ARHGAP24: variants seen among roughly 807,000 people sequenced by gnomAD.
ARHGAP24 encodes the protein rho GTPase-activating protein 24.
Under a neutral mutation model 76.4 loss-of-function variants are expected in ARHGAP24, and 50 were observed. The ratio of observed to expected loss-of-function variants is 0.65; its 90% confidence interval spans 0.52 to 0.83. The LOEUF (loss-of-function observed/expected upper bound fraction) is 0.83. ARHGAP24 is among the 40% of genes least tolerant of loss of function. The pLI, the probability that ARHGAP24 is intolerant of heterozygous loss-of-function variation, is 0.00. For missense variants in ARHGAP24, 930 were observed against 914.2 expected, an observed-to-expected ratio of 1.02 and a Z score of -0.22; for synonymous variants, 345 against 323.3, an observed-to-expected ratio of 1.07 and a Z score of -0.72.
chr4:85,917,056 TC>T (rs1486597761), intron 3 of ARHGAP24, among the ~76,000 whole-genome samples: 1 of 151,958 alleles, frequency 6.6e-6, no homozygotes, highest in Admixed American at 6.6e-5. Context: ...ATGCTATCCT[TC>T]CCCCCTCCCT....
intron 3 of ARHGAP24, among the ~76,000 whole-genome samples, chr4:85,889,226 G>T (rs533694073): frequency 6.6e-6 from 1 of 152,290 alleles, no homozygotes; most frequent in South Asian, 2.1e-4. Flanking sequence ...TGGACATGGG[G>T]TAAGTATAAC....
At chr4:85,950,621 A>AT (rs973096306) in intron 5 of ARHGAP24, among the ~76,000 whole-genome samples, 3 of 149,988 alleles carry the variant, frequency 2.0e-5, no homozygotes, top group East Asian at 3.9e-4. Context: ...GATTATAATA[A>AT]TTTTTTTTCT....
intron 8 of ARHGAP24, among the ~76,000 whole-genome samples, chr4:85,982,172 C>T (rs1739704306): frequency 6.6e-6 from 1 of 151,668 alleles, no homozygotes. Flanking sequence ...CCATCATCTT[C>T]CTAGAAGTCA....
intron 4 of ARHGAP24, among the ~76,000 whole-genome samples, chr4:85,941,780 A>G (rs970114397): frequency 1.3e-4 from 20 of 152,208 alleles, no homozygotes; most frequent in Admixed American, 6.5e-5. Context: ...CTCAAGTTAC[A>G]TTTATTACAG....
chr4:85,702,939 T>C (rs1724152245), intron 2 of ARHGAP24, among the ~76,000 whole-genome samples: 1 of 149,438 alleles, frequency 6.7e-6, no homozygotes, highest in Non-Finnish European at 1.5e-5. Flanking sequence ...TGGCCAGCTG[T>C]GATGGACAGA....
chr4:85,968,208 T>C (rs1738747754), intron 5 of ARHGAP24, among the ~76,000 whole-genome samples: 1 of 152,162 alleles, frequency 6.6e-6, no homozygotes, highest in Non-Finnish European at 1.5e-5. Context: ...AAAGAATTTT[T>C]GTCTGTGCAG....
intron 2 of ARHGAP24, among the ~76,000 whole-genome samples, chr4:85,666,245 T>C (rs1241536146): frequency 5.3e-5 from 8 of 152,322 alleles, no homozygotes; most frequent in African/African-American, 9.6e-5. Context: ...AAACTTCCCT[T>C]CTCGCTTCAT....
chr4:85,906,606 A>G (rs1734781749), intron 3 of ARHGAP24, among the ~76,000 whole-genome samples: 1 of 152,202 alleles, frequency 6.6e-6, no homozygotes, highest in Admixed American at 6.5e-5. Context: ...ATAAACTAAG[A>G]GCAAAAGATG....
chr4:85,987,502 C>A (rs867204433), intron 8 of ARHGAP24, among the ~76,000 whole-genome samples: 8 of 151,820 alleles, frequency 5.3e-5, no homozygotes, highest in African/African-American at 1.9e-4. Flanking sequence ...TAGAAAAAGA[C>A]CCAAATGTGA....
chr4:85,686,826 A>G (rs897217447), intron 2 of ARHGAP24, among the ~76,000 whole-genome samples: 2 of 152,130 alleles, frequency 1.3e-5, no homozygotes, highest in Admixed American at 6.5e-5. Flanking sequence ...AGCCACAATT[A>G]TAACATTGTA....
chr4:85,514,214 C>T (rs2110107130), intron 1 of ARHGAP24, among the ~76,000 whole-genome samples: 1 of 152,262 alleles, frequency 6.6e-6, no homozygotes, highest in Non-Finnish European at 1.5e-5. Flanking sequence ...ATTCTACATA[C>T]TGTCTCAGAG....
chr4:85,943,365 G>A (rs2665869), intron 5 of ARHGAP24, among the ~76,000 whole-genome samples: 100,036 of 152,090 alleles, frequency 0.66, 34,223 homozygotes, highest in African/African-American at 0.84. Flanking sequence ...TGGCAAATCC[G>A]TGTCTGATGA....
intron 1 of ARHGAP24, among the ~76,000 whole-genome samples, chr4:85,541,182 C>A (rs1406892347): frequency 2.4e-5 from 2 of 83,410 alleles, no homozygotes; most frequent in Admixed American, 3.2e-4. Flanking sequence ...GAGACGGAGT[C>A]TCGCTCTGTC....
At chr4:85,558,866 T>C (rs2110134165) in intron 1 of ARHGAP24, among the ~76,000 whole-genome samples, 1 of 152,286 alleles carries the variant, frequency 6.6e-6, no homozygotes, top group Non-Finnish European at 1.5e-5. Context: ...ACTTGTAAAA[T>C]ATTTTCTTTG....
At chr4:85,901,854 A>T (rs934781471) in intron 3 of ARHGAP24, among the ~76,000 whole-genome samples, 4 of 151,978 alleles carry the variant, frequency 2.6e-5, no homozygotes, top group Non-Finnish European at 5.9e-5. Flanking sequence ...CATGTGCTGA[A>T]CATGCAGGTT....
intron 2 of ARHGAP24, among the ~76,000 whole-genome samples, chr4:85,626,422 G>C (rs999167707): frequency 6.6e-6 from 1 of 152,194 alleles, no homozygotes; most frequent in Admixed American, 6.5e-5. Context: ...GGCTGATAGA[G>C]TTTCTGTCGA....
intron 3 of ARHGAP24, among the ~76,000 whole-genome samples, chr4:85,774,898 A>G (rs1328694777): frequency 6.6e-6 from 1 of 152,172 alleles, no homozygotes; most frequent in Non-Finnish European, 1.5e-5. Flanking sequence ...TTAAAGAAAT[A>G]TTTGTCAAAT....
At chr4:85,699,769 C>T (rs538261193) in intron 2 of ARHGAP24, among the ~76,000 whole-genome samples, 3 of 152,072 alleles carry the variant, frequency 2.0e-5, no homozygotes, top group South Asian at 4.1e-4. Flanking sequence ...ATAATGTATT[C>T]ATTTTGTGTA....
intron 2 of ARHGAP24, among the ~76,000 whole-genome samples, chr4:85,640,323 A>G (rs1232130750): frequency 6.6e-6 from 1 of 151,922 alleles, no homozygotes; most frequent in Admixed American, 6.6e-5. Context: ...ACTTTCACCC[A>G]CCTTTCCATC....
Sources: allele counts gnomAD v4.1 joint callset (sites outside exome capture counted in the v4.1 genomes callset), GRCh38; gene constraint gnomAD v4.1.1; transcripts MANE v1.5; gene names NCBI Gene and HGNC (gene_info 2026-07-23, HGNC 2026-07-21).